The following PTPRN2 variants were observed in gnomAD, a reference collection of about 807,000 sequenced individuals.
PTPRN2 encodes protein tyrosine phosphatase receptor type N2.
A neutral mutation model predicts 118.8 loss-of-function variants in PTPRN2; 74 were observed. The observed-to-expected ratio is 0.62, with a 90% CI of 0.52 to 0.76. The LOEUF (loss-of-function observed/expected upper bound fraction) is 0.76. Among genes scored for constraint, PTPRN2 ranks in the 30% least tolerant of loss-of-function variants. The probability of loss-of-function intolerance (pLI) is 0.00; values close to 1 mark genes in which losing one functional copy is unlikely to be tolerated. For synonymous variants in PTPRN2, 641 were observed against 608.0 expected (o/e 1.05, Z -0.80); for missense variants, 1,481 against 1,394.4 (o/e 1.06, Z -0.99).
intron 11 of PTPRN2, among the ~76,000 whole-genome samples, chr7:157,979,570 T>C (rs765439852): frequency 3.9e-5 from 6 of 152,170 alleles, no homozygotes; most frequent in Non-Finnish European, 7.3e-5. Context: ...ATTTTGCAGA[T>C]AGGGAAACTG....
At chr7:157,880,118 C>T (rs1796030388) in intron 12 of PTPRN2, among the ~76,000 whole-genome samples, 1 of 152,050 alleles carries the variant, frequency 6.6e-6, no homozygotes, top group Non-Finnish European at 1.5e-5. Context: ...GTTTTTCATC[C>T]CCGTAATCTA....
Position 157,543,833 on chromosome 7 carries a change from T to A in PTPRN2, c.2977-3048A>T, listed in dbSNP as rs551714065. Reference sequence around the variant, plus strand: ...CTTCCTGTGTCTGTCACCTTCAGCTTCTCTTTTCACAAAAGTAGACAAGCT... The same window carrying A: ...CTTCCTGTGTCTGTCACCTTCAGCTACTCTTTTCACAAAAGTAGACAAGCT... On this transcript the variant is annotated intron_variant, in intron 22 of 22. Transcript: ENST00000389418. Among the ~76,000 whole-genome samples the A allele has an allele frequency of 7.9e-5, 12 of 152,246 alleles. No individual in the cohort carries two copies. The South Asian group carries it at 2.5e-3, about 32-fold the overall frequency.
In PTPRN2 at chr7:157,583,883, AAC is replaced by A. The variant is rs35071475; in HGVS notation, c.2497-5745_2497-5744del. ...GGTGACAGAGCGAGACTCTGTCTCA[AAC>A]ACACACACACACACACACACACACA... On this transcript the variant is annotated intron_variant, in intron 17 of 22. Transcript: ENST00000389418. The surrounding 1 kb of genome is among the most constrained non-coding windows in gnomAD (Gnocchi z 5.5). Among the ~76,000 whole-genome samples, 20,773 of 133,800 alleles carry A rather than the reference AAC, an allele frequency of 0.16. 1,445 individuals are homozygous for A. The highest frequency in any genetic ancestry group is 0.24 in the East Asian group (997 of 4,238). 87.8% of individuals were successfully genotyped at this position (133,800 alleles called of 152,430 possible).
At chr7:158,026,336 G>C (rs985846064) in intron 11 of PTPRN2, among the ~76,000 whole-genome samples, 2 of 152,128 alleles carry the variant, frequency 1.3e-5, no homozygotes, top group Non-Finnish European at 2.9e-5. Context: ...GATCTGGTGG[G>C]CTGGGCTCGC....
intron 3 of PTPRN2, among the ~76,000 whole-genome samples, chr7:158,239,084 C>T (rs1342653254): frequency 6.6e-6 from 1 of 152,164 alleles, no homozygotes; most frequent in African/African-American, 2.4e-5. Flanking sequence ...GGTCAAGGTG[C>T]CACAGCCCCC....
intron 5 of PTPRN2, among the ~76,000 whole-genome samples, chr7:158,190,529 A>G (rs1338739297): frequency 2.0e-5 from 3 of 152,182 alleles, no homozygotes; most frequent in Non-Finnish European, 4.4e-5. Flanking sequence ...CCTGGCACAG[A>G]GCAGGGCTGG....
chr7:157,714,211 T>G (rs1362891721), intron 12 of PTPRN2, among the ~76,000 whole-genome samples: 1 of 152,218 alleles, frequency 6.6e-6, no homozygotes, highest in African/African-American at 2.4e-5. Context: ...AAACAATGTT[T>G]AAACCTGTGT....
At chr7:157,792,577 C>T (rs1015010981) in intron 12 of PTPRN2, among the ~76,000 whole-genome samples, 4 of 152,226 alleles carry the variant, frequency 2.6e-5, no homozygotes, top group African/African-American at 4.8e-5. Flanking sequence ...TTTGCCTGCT[C>T]CCCAGTGTCC....
At chr7:158,101,790 AG>A (rs1815248709) in intron 10 of PTPRN2, among the ~76,000 whole-genome samples, 1 of 152,178 alleles carries the variant, frequency 6.6e-6, no homozygotes. Context: ...TGGACAGCAA[AG>A]CCCCTGGCCA....
chr7:158,244,274 C>T (rs1323430893), intron 3 of PTPRN2, among the ~76,000 whole-genome samples: 1 of 152,156 alleles, frequency 6.6e-6, no homozygotes, highest in Non-Finnish European at 1.5e-5. Flanking sequence ...ATTAATGCTT[C>T]AGAGGGGGTA....
At position 157,788,970 on chromosome 7, in the gene PTPRN2, G is replaced by A. The variant is rs77745854; in HGVS notation, c.1789-106033C>T. On this transcript the variant is annotated intron_variant, in intron 12 of 22. Transcript: ENST00000389418. ...GAAACCCACACCTTCCCCAAGGAAC[G>A]GAGCTCACGCCCCTTCCTGCCTCCA... 0.011 allele frequency among the ~76,000 whole-genome samples: 1,675 copies of A among 152,350 alleles called. 58 individuals carry two copies. In the South Asian group the frequency reaches 0.12, roughly 11 times the overall value.
intron 3 of PTPRN2, among the ~76,000 whole-genome samples, chr7:158,260,632 G>T (rs149226873): frequency 1.3e-5 from 2 of 152,310 alleles, no homozygotes; most frequent in Non-Finnish European, 2.9e-5. Context: ...TGATAGTAAG[G>T]TTAAAATCCC....
intron 11 of PTPRN2, among the ~76,000 whole-genome samples, chr7:157,907,215 G>C (rs574571515): frequency 6.6e-6 from 1 of 152,202 alleles, no homozygotes; most frequent in Non-Finnish European, 1.5e-5. Context: ...ACGTGGGCTC[G>C]GAGAGGACCA....
intron 15 of PTPRN2, among the ~76,000 whole-genome samples, chr7:157,606,527 G>A (rs1467544443): frequency 6.6e-6 from 1 of 152,240 alleles, no homozygotes; most frequent in East Asian, 1.9e-4. Context: ...AAAACCTCTT[G>A]GTGCTGCACA....
In PTPRN2 at chr7:157,622,868, C is replaced by T. The variant is rs946737116; in HGVS notation, c.2197-1359G>A. Among the ~76,000 whole-genome samples, 4 of 152,192 alleles carry T rather than the reference C, an allele frequency of 2.6e-5. No individual in the cohort carries two copies. The highest frequency in any genetic ancestry group is 1.3e-4 in the Admixed American group (2 of 15,280). ...TGCCGTTGAGAAGCCGCACCGACTG[C>T]CTGCTCCACGCAGCGAACGCTTTTC... On this transcript the variant is annotated intron_variant, in intron 14 of 22. Coordinates refer to ENST00000389418, the MANE Select transcript of PTPRN2 (RefSeq NM_002847.5). The surrounding 1 kb of genome is among the most constrained non-coding windows in gnomAD (Gnocchi z 5.3).
chr7:158,360,098 G>A (rs1410211531), intron 2 of PTPRN2, among the ~76,000 whole-genome samples: 1 of 131,720 alleles, frequency 7.6e-6, no homozygotes, highest in Non-Finnish European at 1.6e-5. Flanking sequence ...CCAGGATGAC[G>A]CACAGACCCC....
At chr7:158,577,608 C>A (rs1212548453) in intron 1 of PTPRN2, among the ~76,000 whole-genome samples, 2 of 152,286 alleles carry the variant, frequency 1.3e-5, no homozygotes, top group African/African-American at 4.8e-5. Context: ...CTGTGGGCTC[C>A]TAAGAAAGCC....
chr7:158,040,375 G>A (rs62480160), intron 11 of PTPRN2, among the ~76,000 whole-genome samples: 325 of 150,336 alleles, frequency 2.2e-3, no homozygotes, highest in Middle Eastern at 3.4e-3. Flanking sequence ...ACACACACAC[G>A]TGCATACACA....
At chr7:157,719,723 G>A (rs1000540360) in intron 12 of PTPRN2, among the ~76,000 whole-genome samples, 25 of 152,222 alleles carry the variant, frequency 1.6e-4, no homozygotes, top group African/African-American at 9.6e-5. Context: ...GGCTGAAAGA[G>A]CTCCCCAGAC....
Sources: allele counts gnomAD v4.1 joint callset (sites outside exome capture counted in the v4.1 genomes callset), GRCh38; gene constraint gnomAD v4.1.1; non-coding constraint Gnocchi (gnomAD v3.1); transcripts MANE v1.5; gene names NCBI Gene and HGNC (gene_info 2026-07-23, HGNC 2026-07-21).